Variants in LRRC4B observed in about 807,000 individuals in gnomAD.
LRRC4B encodes the protein leucine-rich repeat-containing protein 4B.
LRRC4B carries 1 observed loss-of-function variant against 7.3 expected under a neutral mutation model. The observed-to-expected ratio is 0.14, with a 90% confidence interval of 0.05 to 0.65. LRRC4B has a LOEUF of 0.65. Ranked by LOEUF, LRRC4B falls within the 30% of genes least tolerant of loss-of-function variation. LRRC4B has a pLI of 0.84. For synonymous variants in LRRC4B, 500 were observed against 499.2 expected (o/e 1.00, Z -0.02); for missense variants, 730 against 1,041.6 (o/e 0.70, Z 4.12).
intron 1 of LRRC4B, among the ~76,000 whole-genome samples, chr19:50,559,003 A>G (rs1417430785): frequency 1.3e-5 from 2 of 152,238 alleles, no homozygotes; most frequent in Non-Finnish European, 2.9e-5. Context: ...CAGTCCCCGC[A>G]AGGGGCCCAT....
Position 50,517,754 on chromosome 19 carries a change from G to A in LRRC4B, c.1959C>T (p.Pro653=), listed in dbSNP as rs1196711332. Residue 653 remains proline (P), a synonymous_variant, in exon 3 of 3, where the codon CCC becomes CCT. Coordinates refer to ENST00000652263, the MANE Select transcript of LRRC4B (RefSeq NM_001080457.2). This position sits in a 1 kb window ranked among gnomAD's most constrained non-coding sequence, Gnocchi z 6.6. ...GGTTGAGGTGGTCTCGCTCCAGGGCGGGCAGGGCCAGGTGGCTGTCCCCGC... is the reference window on the plus strand; with the variant it reads ...GGTTGAGGTGGTCTCGCTCCAGGGCAGGCAGGGCCAGGTGGCTGTCCCCGC... ...GVGGDSHLAL[P]ALERDHLNHH... is the part of the protein sequence containing the mutation. 4 of 1,524,910 alleles carry A rather than the reference G, an allele frequency of 2.6e-6. No individual in the cohort carries two copies. The highest frequency in any genetic ancestry group is 2.4e-5 in the East Asian group (1 of 42,112). The allele number at this position is 1,524,910 out of a possible 1,614,324, so 94.5% of individuals were successfully genotyped here.
chr19:50,518,023 C>A lies in LRRC4B; in HGVS notation c.1690G>T (p.Ala564Ser). The A allele has an allele frequency of 6.4e-7, 1 of 1,550,410 alleles. No individual in the cohort carries two copies. Residue 564 changes from alanine (A) to serine (S), a missense_variant, in exon 3 of 3, where the codon GCC becomes TCC. By Grantham distance (99) the Ala-to-Ser change is moderately conservative. Coordinates refer to ENST00000652263, the MANE Select transcript of LRRC4B (RefSeq NM_001080457.2). Reference protein sequence around the residue: ...TVPITDVTENALKDLDDVMKT... With the variant: ...TVPITDVTENSLKDLDDVMKT... ...ATGACGTCGTCCAGGTCCTTGAGGG[C>A]GTTCTCCGTCACATCCGTGATGGGC...
chr19:50,530,118 A>C, intron 2 of LRRC4B, among the ~76,000 whole-genome samples: 1 of 150,600 alleles, frequency 6.6e-6, no homozygotes, highest in Admixed American at 6.6e-5. Context: ...CTCCATCCCC[A>C]CAGCCCAGCC....
intron 1 of LRRC4B, among the ~76,000 whole-genome samples, chr19:50,558,235 A>C (rs999346243): frequency 6.6e-6 from 1 of 151,856 alleles, no homozygotes; most frequent in African/African-American, 2.4e-5. Flanking sequence ...ACATACACAC[A>C]CACATACATA....
intron 2 of LRRC4B, among the ~76,000 whole-genome samples, chr19:50,530,175 C>T (rs1980992206): frequency 6.6e-6 from 1 of 152,188 alleles, no homozygotes; most frequent in South Asian, 2.1e-4. Flanking sequence ...CCTGCCTGGG[C>T]TTCAGTCTCT....
Position 50,556,628 on chromosome 19 carries a change from G to A in LRRC4B, c.-35-7755C>T. 6.6e-6 allele frequency among the ~76,000 whole-genome samples: 1 copy of A among 152,342 alleles called. No homozygotes were observed. The highest frequency in any genetic ancestry group is 2.1e-4 in the South Asian group (1 of 4,826). Reference sequence around the variant, plus strand: ...TGATTTGTTCCTGCGTTCATTGCCTGCCTTCCTGCTAAGAGGGGAGCCCCT... The same window carrying A: ...TGATTTGTTCCTGCGTTCATTGCCTACCTTCCTGCTAAGAGGGGAGCCCCT... On this transcript the variant is annotated intron_variant, in intron 1 of 2. Transcript: ENST00000652263. The surrounding 1 kb of genome is among the most constrained non-coding windows in gnomAD (Gnocchi z 4.2).
In LRRC4B at chr19:50,556,005, G is replaced by C. The variant is rs1982262650; in HGVS notation, c.-35-7132C>G. Among the ~76,000 whole-genome samples the C allele has an allele frequency of 6.6e-6, 1 of 152,104 alleles. No individual in the cohort carries two copies. Among genetic ancestry groups the C allele is most frequent in the Non-Finnish European group, 1.5e-5 (1 of 68,014 alleles). Reference sequence around the variant, plus strand: ...GGGAGAGACCCGGGTTCTGGGGGAGGGGACAGGCAGCGCTGGCGTTCTGAG... The same window carrying C: ...GGGAGAGACCCGGGTTCTGGGGGAGCGGACAGGCAGCGCTGGCGTTCTGAG... On this transcript the variant is annotated intron_variant, in intron 1 of 2. Transcript: ENST00000652263. The surrounding 1 kb of genome is among the most constrained non-coding windows in gnomAD (Gnocchi z 4.2).
chr19:50,551,311 G>A (rs1338631919), intron 1 of LRRC4B, among the ~76,000 whole-genome samples: 1 of 150,740 alleles, frequency 6.6e-6, no homozygotes, highest in Non-Finnish European at 1.5e-5. Context: ...GATCGTGCTG[G>A]GGGGGGCGCA....
At chr19:50,546,634 T>C (rs1364181273) in intron 2 of LRRC4B, among the ~76,000 whole-genome samples, 2 of 152,160 alleles carry the variant, frequency 1.3e-5, no homozygotes, top group East Asian at 3.9e-4. Flanking sequence ...ACCAGGTGCA[T>C]GATATACGGA....
intron 2 of LRRC4B, among the ~76,000 whole-genome samples, chr19:50,538,556 CTTG>C (rs1474752745): frequency 2.1e-5 from 2 of 96,364 alleles, no homozygotes; most frequent in Admixed American, 1.1e-4. Context: ...TGGGTTTTGT[CTTG>C]TTTTTTTTTT....
At chr19:50,543,466 T>G (rs936906759) in intron 2 of LRRC4B, among the ~76,000 whole-genome samples, 3 of 151,910 alleles carry the variant, frequency 2.0e-5, no homozygotes, top group Non-Finnish European at 4.4e-5. Context: ...AAACTCCGCT[T>G]CTAGGAATTT....
At chr19:50,521,198 G>A (rs1376397557) in intron 2 of LRRC4B, among the ~76,000 whole-genome samples, 2 of 152,060 alleles carry the variant, frequency 1.3e-5, no homozygotes, top group Admixed American at 6.6e-5. Context: ...CAAAGGAGCC[G>A]GTGCGGTGGA....
chr19:50,528,440 G>A (rs1980912198), intron 2 of LRRC4B, among the ~76,000 whole-genome samples: 1 of 152,090 alleles, frequency 6.6e-6, no homozygotes, highest in Non-Finnish European at 1.5e-5. Flanking sequence ...TGCCTTCTGG[G>A]TTTAAGCAAT....
chr19:50,549,117 T>C (rs1012500436), intron 1 of LRRC4B, among the ~76,000 whole-genome samples: 2 of 152,182 alleles, frequency 1.3e-5, no homozygotes, highest in African/African-American at 4.8e-5. Flanking sequence ...TCTACGCCCA[T>C]TCTGCAGCAG....
rs530839979 is a variant in LRRC4B, at chr19:50,567,042, A to G, written c.-36+902T>C. Among the ~76,000 whole-genome samples, 4 of 150,530 alleles carry G rather than the reference A, an allele frequency of 2.7e-5. No individual in the cohort carries two copies. The South Asian group carries it at 8.5e-4, about 32-fold the overall frequency. On this transcript the variant is annotated intron_variant, in intron 1 of 2. Transcript: ENST00000652263. ...TGGGGGATTGTCAGAGATGGGGGTTAGAGAAGGCTGAGGAGCAGATGCCGT... is the reference window on the plus strand; with the variant it reads ...TGGGGGATTGTCAGAGATGGGGGTTGGAGAAGGCTGAGGAGCAGATGCCGT...
intron 1 of LRRC4B, among the ~76,000 whole-genome samples, chr19:50,566,007 ACT>A (rs1982616597): frequency 6.7e-6 from 1 of 149,444 alleles, no homozygotes; most frequent in African/African-American, 2.5e-5. Flanking sequence ...CGGCGGCTTC[ACT>A]CTCTGTCCCT....
At chr19:50,526,441 C>A (rs138724328) in intron 2 of LRRC4B, among the ~76,000 whole-genome samples, 1,776 of 152,258 alleles carry the variant, frequency 0.012, 38 homozygotes, top group African/African-American at 0.041. Context: ...ATCCCCGGGG[C>A]TGGGTTCCCT....
At chr19:50,521,788 A>G (rs1030756977) in intron 2 of LRRC4B, among the ~76,000 whole-genome samples, 3 of 151,030 alleles carry the variant, frequency 2.0e-5, no homozygotes, top group Non-Finnish European at 4.4e-5. Flanking sequence ...TTGAACTCCC[A>G]ATCTGAAGTG....
At chr19:50,547,209 C>T (rs955331555) in intron 2 of LRRC4B, among the ~76,000 whole-genome samples, 1 of 152,120 alleles carries the variant, frequency 6.6e-6, no homozygotes, top group Admixed American at 6.5e-5. Flanking sequence ...GGGAGGTGGG[C>T]GTGGACAGAG....
Sources: gnomAD v4.1 joint callset for allele counts (sites outside exome capture counted in the v4.1 genomes callset) on GRCh38, gnomAD v4.1.1 for gene constraint, Gnocchi (gnomAD v3.1) non-coding constraint, MANE v1.5 for transcripts, NCBI Gene and HGNC (gene_info 2026-07-23, HGNC 2026-07-21) for gene names.